The following TENM3 variants were observed in gnomAD, a reference collection of about 807,000 sequenced individuals.
The protein encoded by TENM3 is teneurin-3.
A neutral mutation model predicts 255.1 loss-of-function variants in TENM3; 63 were observed. The observed-to-expected ratio is 0.25, with a 90% confidence interval of 0.20 to 0.30. TENM3 has a LOEUF of 0.30. TENM3 is among the 10% of genes least tolerant of loss of function. TENM3 has a pLI of 1.00. For missense variants in TENM3, 2,929 were observed against 3,461.1 expected, an observed-to-expected ratio of 0.85 and a Z score of 3.86; for synonymous variants, 1,306 against 1,322.3, an observed-to-expected ratio of 0.99 and a Z score of 0.27.
the TENM3 span, among the ~76,000 whole-genome samples, chr4:181,567,941 G>C: frequency 6.6e-6 from 1 of 151,916 alleles, no homozygotes; most frequent in South Asian, 2.1e-4. Context: ...TAGCACCTTT[G>C]GCCAACTTAC....
intron 3 of TENM3, among the ~76,000 whole-genome samples, chr4:182,555,050 A>G (rs920968007): frequency 6.6e-6 from 1 of 152,176 alleles, no homozygotes; most frequent in East Asian, 1.9e-4. Flanking sequence ...AAAAGAAATC[A>G]GTGAACGTGG....
intron 24 of TENM3, among the ~76,000 whole-genome samples, chr4:182,785,620 A>C (rs1384963089): frequency 6.7e-6 from 1 of 149,492 alleles, no homozygotes; most frequent in South Asian, 2.2e-4. Flanking sequence ...AGGTGGGAGG[A>C]TCACTTGAGC....
At chr4:181,490,085 A>G in the TENM3 span, among the ~76,000 whole-genome samples, 2 of 152,306 alleles carry the variant, frequency 1.3e-5, no homozygotes, top group Non-Finnish European at 2.9e-5. Flanking sequence ...CACATGTGAT[A>G]TCTTAAATCG....
At chr4:182,568,539 T>G (rs1227166711) in intron 3 of TENM3, among the ~76,000 whole-genome samples, 1 of 152,206 alleles carries the variant, frequency 6.6e-6, no homozygotes, top group East Asian at 1.9e-4. Flanking sequence ...TAATTGGAGC[T>G]TTCATACTTT....
chr4:181,805,275 G>A, the TENM3 span, among the ~76,000 whole-genome samples: 5 of 151,570 alleles, frequency 3.3e-5, no homozygotes, highest in East Asian at 7.9e-4. Flanking sequence ...CACTCCACCC[G>A]CTCCAGTCTC....
At chr4:181,583,542 C>T in the TENM3 span, among the ~76,000 whole-genome samples, 1 of 152,252 alleles carries the variant, frequency 6.6e-6, no homozygotes, top group Admixed American at 6.5e-5. Context: ...GAAAATAACA[C>T]TTTAGGTTAA....
chr4:181,500,794 A>G, the TENM3 span, among the ~76,000 whole-genome samples: 2 of 152,156 alleles, frequency 1.3e-5, no homozygotes, highest in Admixed American at 6.5e-5. Flanking sequence ...TTAGAACTGA[A>G]TCATTTTGGG....
At chr4:181,945,646 C>T in the TENM3 span, among the ~76,000 whole-genome samples, 2 of 151,934 alleles carry the variant, frequency 1.3e-5, no homozygotes, top group African/African-American at 2.4e-5. Flanking sequence ...TGGAGTCAAG[C>T]AGATCAATGA....
At chr4:181,629,843 C>T in the TENM3 span, among the ~76,000 whole-genome samples, 11,505 of 152,114 alleles carry the variant, frequency 0.076, 489 homozygotes, top group East Asian at 0.15. Flanking sequence ...AGGATGATGC[C>T]GACCTCATAA....
chr4:181,889,566 C>G, the TENM3 span, among the ~76,000 whole-genome samples: 1 of 152,082 alleles, frequency 6.6e-6, no homozygotes, highest in Non-Finnish European at 1.5e-5. Flanking sequence ...ATTTAATGAT[C>G]GTGGTAGTCG....
At position 182,776,343 on chromosome 4, in the gene TENM3, C is replaced by T. The variant is rs1229084522; in HGVS notation, c.5304+1190C>T. ...AGGAGGATTGCTTGAACACTCGAGG[C>T]GGAGGTTGCAGTGAGTCGAGATCGC... On this transcript the variant is annotated intron_variant, in intron 24 of 27. Coordinates refer to ENST00000511685, the MANE Select transcript of TENM3 (RefSeq NM_001080477.4). Among the ~76,000 whole-genome samples, 6 of 152,216 alleles carry T rather than the reference C, an allele frequency of 3.9e-5. No individual in the cohort carries two copies. The South Asian group carries it at 1.0e-3, about 26-fold the overall frequency.
At chr4:182,709,907 G>A (rs562778748) in intron 12 of TENM3, among the ~76,000 whole-genome samples, 5 of 152,114 alleles carry the variant, frequency 3.3e-5, no homozygotes, top group African/African-American at 9.6e-5. Flanking sequence ...AATTTTGACC[G>A]GCTATATATT....
chr4:181,873,005 C>CT, the TENM3 span, among the ~76,000 whole-genome samples: 1 of 151,172 alleles, frequency 6.6e-6, no homozygotes, highest in Non-Finnish European at 1.5e-5. Context: ...TTTATGTGAT[C>CT]TTTTTTCAGA....
At chr4:182,062,221 GT>G in the TENM3 span, among the ~76,000 whole-genome samples, 1 of 152,146 alleles carries the variant, frequency 6.6e-6, no homozygotes, top group African/African-American at 2.4e-5. Context: ...AATATGTTTA[GT>G]TTTTAGAAAT....
intron 3 of TENM3, among the ~76,000 whole-genome samples, chr4:182,453,355 G>A (rs1010504937): frequency 2.0e-5 from 3 of 152,044 alleles, no homozygotes; most frequent in Admixed American, 6.6e-5. Flanking sequence ...AAAAGTACAC[G>A]CAAATATTTG....
the TENM3 span, among the ~76,000 whole-genome samples, chr4:182,086,527 A>T: frequency 1.3e-5 from 2 of 152,166 alleles, no homozygotes; most frequent in Non-Finnish European, 2.9e-5. Context: ...AGAGAAATGG[A>T]GAGAGAGCTG....
At chr4:181,569,474 T>C in the TENM3 span, among the ~76,000 whole-genome samples, 1 of 152,192 alleles carries the variant, frequency 6.6e-6, no homozygotes, top group African/African-American at 2.4e-5. Context: ...ATCTCTGTCA[T>C]GGTAAGGTTC....
the TENM3 span, among the ~76,000 whole-genome samples, chr4:181,842,590 G>A: frequency 1.3e-5 from 2 of 152,296 alleles, no homozygotes; most frequent in Middle Eastern, 3.4e-3. Flanking sequence ...CAAATCATAT[G>A]CATGAAGCAG....
chr4:182,116,716 A>G, the TENM3 span, among the ~76,000 whole-genome samples: 1 of 152,212 alleles, frequency 6.6e-6, no homozygotes, highest in African/African-American at 2.4e-5. Flanking sequence ...TACAACTTCC[A>G]TGCCTTTTCT....
Sources: gnomAD v4.1 joint callset for allele counts (sites outside exome capture counted in the v4.1 genomes callset) on GRCh38, gnomAD v4.1.1 for gene constraint, MANE v1.5 for transcripts, NCBI Gene and HGNC (gene_info 2026-07-23, HGNC 2026-07-21) for gene names.